Variants in SLC1A3 observed in about 807,000 individuals in gnomAD.
SLC1A3 encodes excitatory amino acid transporter 1.
Under a neutral mutation model 48.1 loss-of-function variants are expected in SLC1A3, and 21 were observed. The ratio of observed to expected loss-of-function variants is 0.44; its 90% CI spans 0.31 to 0.63. SLC1A3 has a LOEUF of 0.63. SLC1A3 is among the 20% of genes least tolerant of loss of function. The pLI is 0.08. For synonymous variants in SLC1A3, 239 were observed against 251.4 expected (o/e 0.95, Z 0.47); for missense variants, 546 against 689.0 (o/e 0.79, Z 2.32).
At chr5:36,624,941 G>A (rs934656491) in intron 2 of SLC1A3, among the ~76,000 whole-genome samples, 1 of 152,146 alleles carries the variant, frequency 6.6e-6, no homozygotes, top group Non-Finnish European at 1.5e-5. Flanking sequence ...TCTCCAGGGC[G>A]TTCACCATGT....
At chr5:36,620,932 G>GTC (rs969525415) in intron 2 of SLC1A3, among the ~76,000 whole-genome samples, 5 of 151,046 alleles carry the variant, frequency 3.3e-5, no homozygotes, top group Non-Finnish European at 5.9e-5. Context: ...TTTAGGCAGG[G>GTC]TCTCTCTCTG....
At chr5:36,643,305 T>C (rs1199558809) in intron 3 of SLC1A3, among the ~76,000 whole-genome samples, 2 of 152,212 alleles carry the variant, frequency 1.3e-5, no homozygotes, top group African/African-American at 4.8e-5. Context: ...TTCTCCACTT[T>C]CTTACCAACA....
intron 3 of SLC1A3, among the ~76,000 whole-genome samples, chr5:36,655,565 G>A (rs1349465603): frequency 6.6e-6 from 1 of 152,150 alleles, no homozygotes. Context: ...ACCTTGCCAA[G>A]AAAGCTTGTG....
intron 7 of SLC1A3, 121 bp downstream of exon 7, chr5:36,679,981 T>G (rs1742370789): frequency 2.7e-6 from 2 of 736,520 alleles, no homozygotes; most frequent in Middle Eastern, 3.4e-4. Context: ...ATGAGTTAGC[T>G]TTCTCATTTC....
At chr5:36,665,693 T>C (rs1476327579) in intron 3 of SLC1A3, among the ~76,000 whole-genome samples, 1 of 152,218 alleles carries the variant, frequency 6.6e-6, no homozygotes, top group Non-Finnish European at 1.5e-5. Context: ...AGGGAGCTTC[T>C]ATTTTTCACA....
At chr5:36,599,710 G>A (rs944003329) in intron 1 of SLC1A3, among the ~76,000 whole-genome samples, 14 of 151,316 alleles carry the variant, frequency 9.3e-5, no homozygotes, top group African/African-American at 3.4e-4. Flanking sequence ...AGTTCGCCAT[G>A]TTGGTCAGGC....
chr5:36,617,428 T>A (rs1447297202), intron 2 of SLC1A3, among the ~76,000 whole-genome samples: 1 of 149,210 alleles, frequency 6.7e-6, no homozygotes, highest in Non-Finnish European at 1.5e-5. Context: ...TTTTTTTTTT[T>A]TTTTTTTTTG....
intron 2 of SLC1A3, among the ~76,000 whole-genome samples, chr5:36,614,377 G>T (rs1371854363): frequency 1.3e-5 from 2 of 152,156 alleles, no homozygotes; most frequent in African/African-American, 4.8e-5. Context: ...CCTGGTTTTG[G>T]TTTAGAAGTG....
intron 3 of SLC1A3, among the ~76,000 whole-genome samples, chr5:36,670,539 T>C (rs768585339): frequency 6.6e-6 from 1 of 152,224 alleles, no homozygotes; most frequent in Non-Finnish European, 1.5e-5. Context: ...TATAAAATAA[T>C]TCTTTTGAAA....
Position 36,608,338 on chromosome 5 carries a change from C to A in SLC1A3, c.-86C>A, listed in dbSNP as rs755128293. 159 of 1,269,318 alleles carry A rather than the reference C, an allele frequency of 1.3e-4. No homozygotes were observed. Among genetic ancestry groups the A allele is most frequent in the Non-Finnish European group, 1.8e-4 (156 of 880,196 alleles). The allele number at this position is 1,269,318 out of a possible 1,614,324, so 78.6% of individuals were successfully genotyped here. A position where few individuals can be genotyped will look rare whatever the true frequency, so the allele number is the denominator to read the frequency against. On this transcript the variant is annotated 5_prime_UTR_variant, in exon 2 of 10. Coordinates refer to ENST00000265113, the MANE Select transcript of SLC1A3 (RefSeq NM_004172.5). ...TTTTCTCCCATTCTAGTTGTGTTTTCTAATACCAAAGAGGAGGTTTGGCTT... is the reference window on the plus strand; with the variant it reads ...TTTTCTCCCATTCTAGTTGTGTTTTATAATACCAAAGAGGAGGTTTGGCTT...
chr5:36,621,286 C>A (rs1739655495), intron 2 of SLC1A3, among the ~76,000 whole-genome samples: 1 of 152,064 alleles, frequency 6.6e-6, no homozygotes, highest in Non-Finnish European at 1.5e-5. Context: ...GTGCAAGGAC[C>A]ATAAAGGGGG....
Position 36,685,936 on chromosome 5 carries a change from A to G in SLC1A3, c.1425-129A>G, listed in dbSNP as rs559556149. 206 of 742,940 alleles carry G rather than the reference A, an allele frequency of 2.8e-4. No individual in the cohort carries two copies. In the African/African-American group the frequency reaches 3.2e-3, roughly 12 times the overall value. 46.0% of individuals were successfully genotyped at this position (742,940 alleles called of 1,614,324 possible). A position where few individuals can be genotyped will look rare whatever the true frequency, so the allele number is the denominator to read the frequency against. On this transcript the variant is annotated intron_variant, in intron 9 of 9. Transcript: ENST00000265113. ...ATGAATATTATGTGTCTATTACGTA[A>G]TCTTGCAGTTGGTAGATACGGCGAA...
Position 36,686,210 on chromosome 5 carries a change from C to A in SLC1A3, c.1570C>A (p.Gln524Lys). Residue 524 changes from glutamine to lysine, a missense_variant, in exon 10 of 10, where the codon CAA (glutamine) becomes AAA (lysine). By Grantham distance (53) the Gln-to-Lys change is moderately conservative (BLOSUM62 1). Coordinates refer to ENST00000265113, the MANE Select transcript of SLC1A3 (RefSeq NM_004172.5). ...IEENEMKKPY[Q>K]LIAQDNETEK... ...AGAGAATGAAATGAAGAAACCATAT[C>A]AACTGATTGCACAGGACAATGAAAC... The A allele has an allele frequency of 6.2e-7, 1 of 1,614,132 alleles. No individual in the cohort carries two copies. Among genetic ancestry groups the A allele is most frequent in the Non-Finnish European group, 8.5e-7 (1 of 1,179,942 alleles).
rs1742538557 is a variant in SLC1A3 at position 36,683,873 on chromosome 5, C to T, written c.1299C>T (p.Ala433=). The part of the protein sequence containing the change: ...FGQIITISIT[A]TAASIGAAGI... ...GTACTTCTGTTAACAGCATCACAGC[C>T]ACAGCTGCCAGTATTGGGGCAGCTG... The change falls in exon 9 of 10, where the codon GCC becomes GCT. Residue 433 remains alanine (A), a synonymous_variant. Coordinates refer to ENST00000265113, the MANE Select transcript of SLC1A3 (RefSeq NM_004172.5). 1 of 1,614,094 alleles carries T rather than the reference C, an allele frequency of 6.2e-7. No individual in the cohort carries two copies.
rs1049522 is a variant in SLC1A3, at chr5:36,686,784, A to C, written c.*515A>C. On this transcript the variant is annotated 3_prime_UTR_variant, in exon 10 of 10. Transcript: ENST00000265113. ...ATTTCATTAGTAGCTAGGTGCACAT[A>C]TACATCTAGCACAGCTGTGAGGACA... 70,350 of 215,268 alleles carry C rather than the reference A, an allele frequency of 0.33. 12,234 individuals carry two copies. The highest frequency in any genetic ancestry group is 0.42 in the African/African-American group (17,507 of 42,086). 13.3% of individuals were successfully genotyped at this position (215,268 alleles called of 1,614,324 possible).
chr5:36,648,179 A>G (rs1168943503), intron 3 of SLC1A3, among the ~76,000 whole-genome samples: 1 of 152,086 alleles, frequency 6.6e-6, no homozygotes, highest in Non-Finnish European at 1.5e-5. Flanking sequence ...GAGTTTTTTT[A>G]TGATTATACT....
At chr5:36,680,669 A>G (rs1742405694) in intron 8 of SLC1A3, 80 bp downstream of exon 8, 4 of 1,257,096 alleles carry the variant, frequency 3.2e-6, no homozygotes, top group Non-Finnish European at 4.6e-6. Context: ...TGTAATCCTA[A>G]CACTTTGGGA....
intron 1 of SLC1A3, among the ~76,000 whole-genome samples, chr5:36,599,422 T>C (rs2111628143): frequency 6.6e-6 from 1 of 151,188 alleles, no homozygotes; most frequent in Middle Eastern, 3.4e-3. Flanking sequence ...TCTCTTCAAC[T>C]CAGTCTGTCT....
Position 36,686,383 on chromosome 5 carries a change from CT to C in SLC1A3, c.*116del, listed in dbSNP as rs1742650147. 1 of 876,906 alleles carries C rather than the reference CT, an allele frequency of 1.1e-6. No homozygotes were observed. The highest frequency in any genetic ancestry group is 1.6e-5 in the African/African-American group (1 of 60,652). The allele number at this position is 876,906 out of a possible 1,614,324, so 54.3% of individuals were successfully genotyped here. On this transcript the variant is annotated 3_prime_UTR_variant, in exon 10 of 10. Coordinates refer to ENST00000265113, the MANE Select transcript of SLC1A3 (RefSeq NM_004172.5). ...AAGCCCGTCATCTTCCCTTTCCTCC[CT>C]TCTGATAAGACTGGAAAATAGTCCT... is the stretch of plus-strand genomic sequence containing the variant.
Sources: allele counts gnomAD v4.1 joint callset (sites outside exome capture counted in the v4.1 genomes callset), GRCh38; gene constraint gnomAD v4.1.1; transcripts MANE v1.5; gene names NCBI Gene and HGNC (gene_info 2026-07-23, HGNC 2026-07-21).